NDST4: variants seen among roughly 807,000 people sequenced by gnomAD.
NDST4 encodes the protein N-deacetylase and N-sulfotransferase 4, also known as N-heparan sulfate sulfotransferase 4.
In NDST4, 63 loss-of-function variants were observed where a neutral mutation model predicts 100.8. That is an observed-to-expected ratio of 0.62 (90% CI 0.51 to 0.77). The LOEUF (loss-of-function observed/expected upper bound fraction) is 0.77. NDST4 is among the 30% of genes least tolerant of loss of function. NDST4 has a pLI of 0.00. For missense variants in NDST4, 943 were observed against 1,018.4 expected, an observed-to-expected ratio of 0.93 and a Z score of 1.01; for synonymous variants, 377 against 361.8, an observed-to-expected ratio of 1.04 and a Z score of -0.48.
intron 1 of NDST4, among the ~76,000 whole-genome samples, chr4:115,112,989 G>T (rs1729984388): frequency 6.6e-6 from 1 of 151,784 alleles, no homozygotes; most frequent in Non-Finnish European, 1.5e-5. Context: ...TAAATCTCAG[G>T]TCCAAAAAAC....
intron 6 of NDST4, among the ~76,000 whole-genome samples, chr4:114,890,647 C>T (rs192739669): frequency 6.6e-6 from 1 of 152,152 alleles, no homozygotes; most frequent in East Asian, 1.9e-4. Flanking sequence ...TATGCCCAAA[C>T]TCTAACTTTA....
At chr4:115,094,908 C>T (rs1164637988) in intron 1 of NDST4, among the ~76,000 whole-genome samples, 1 of 152,110 alleles carries the variant, frequency 6.6e-6, no homozygotes, top group Non-Finnish European at 1.5e-5. Context: ...AACTGTGAGA[C>T]AATACATTCC....
At chr4:114,831,087 C>CCAG (rs769586366) in intron 12 of NDST4, among the ~76,000 whole-genome samples, 10 of 151,826 alleles carry the variant, frequency 6.6e-5, no homozygotes, top group Non-Finnish European at 1.2e-4. Flanking sequence ...GCTCTGTCGC[C>CCAG]CAGGCCGGAC....
At chr4:115,035,567 T>C (rs547049204) in intron 2 of NDST4, among the ~76,000 whole-genome samples, 43 of 152,028 alleles carry the variant, frequency 2.8e-4, no homozygotes, top group Non-Finnish European at 4.6e-4. Flanking sequence ...TGTGGAAACA[T>C]AATTTGTAAT....
chr4:115,045,068 T>C (rs1269152247), intron 2 of NDST4, among the ~76,000 whole-genome samples: 1 of 152,040 alleles, frequency 6.6e-6, no homozygotes, highest in Non-Finnish European at 1.5e-5. Flanking sequence ...AACATGTGAA[T>C]ACAACTTGGG....
chr4:114,951,149 G>T (rs1021787589), intron 4 of NDST4, among the ~76,000 whole-genome samples: 2 of 151,978 alleles, frequency 1.3e-5, no homozygotes, highest in Non-Finnish European at 2.9e-5. Flanking sequence ...GTAAATTTTT[G>T]GACATAATTG....
chr4:114,898,035 C>T (rs927406525), intron 6 of NDST4, among the ~76,000 whole-genome samples: 1 of 152,066 alleles, frequency 6.6e-6, no homozygotes, highest in Non-Finnish European at 1.5e-5. Context: ...TGCTGTATTT[C>T]GCATAGTAGT....
intron 1 of NDST4, among the ~76,000 whole-genome samples, chr4:115,100,809 T>C (rs991223931): frequency 1.7e-3 from 19 of 10,890 alleles, no homozygotes; most frequent in African/African-American, 9.7e-3. Flanking sequence ...TCACTCCTTT[T>C]TTTTTTTTTT....
At chr4:115,022,358 G>A (rs141474149) in intron 2 of NDST4, among the ~76,000 whole-genome samples, 3,709 of 53,038 alleles carry the variant, frequency 0.07, 376 homozygotes, top group African/African-American at 0.16. Flanking sequence ...TGTGTTCCAC[G>A]TACATATGTG....
At chr4:114,852,087 A>T (rs1723690276) in intron 8 of NDST4, among the ~76,000 whole-genome samples, 1 of 152,166 alleles carries the variant, frequency 6.6e-6, no homozygotes, top group African/African-American at 2.4e-5. Context: ...AAAATATTCT[A>T]ATTGAAAGTG....
At chr4:114,918,560 TAA>T (rs10593709) in intron 6 of NDST4, among the ~76,000 whole-genome samples, 3,122 of 149,896 alleles carry the variant, frequency 0.021, 92 homozygotes, top group African/African-American at 0.067. Context: ...TAAAAATAAA[TAA>T]AAAAAAAATA....
At chr4:114,844,622 G>T (rs927708271) in intron 10 of NDST4, among the ~76,000 whole-genome samples, 1 of 152,038 alleles carries the variant, frequency 6.6e-6, no homozygotes, top group African/African-American at 2.4e-5. Context: ...CTTCCTCACA[G>T]TACATTCACA....
intron 2 of NDST4, among the ~76,000 whole-genome samples, chr4:115,058,851 C>T: frequency 6.6e-6 from 1 of 152,076 alleles, no homozygotes. Context: ...GTAAGAAAAG[C>T]TTAGCATTAA....
intron 2 of NDST4, among the ~76,000 whole-genome samples, chr4:114,985,692 CAAAT>C (rs1355902602): frequency 6.6e-6 from 1 of 152,132 alleles, no homozygotes; most frequent in East Asian, 1.9e-4. Flanking sequence ...ACAAATCAAT[CAAAT>C]AATTTTTTAA....
In NDST4 at chr4:115,089,638, C is replaced by A. The variant is rs941104072; in HGVS notation, c.-246-12356G>T. Among the ~76,000 whole-genome samples the A allele has an allele frequency of 3.3e-5, 5 of 152,042 alleles. No homozygotes were observed. In the East Asian group the frequency reaches 9.7e-4, roughly 29 times the overall value. Reference sequence around the variant, plus strand: ...AATCTATATAAAAAGCTTCTCTTTTCACAATAAGCTACTTAGTTTATTTTC... The same window carrying A: ...AATCTATATAAAAAGCTTCTCTTTTAACAATAAGCTACTTAGTTTATTTTC... On this transcript the variant is annotated intron_variant, in intron 1 of 13. Transcript: ENST00000264363.
At chr4:114,867,646 T>TTAA (rs1553949943) in intron 7 of NDST4, among the ~76,000 whole-genome samples, 4 of 26,790 alleles carry the variant, frequency 1.5e-4, no homozygotes, top group African/African-American at 2.5e-4. Context: ...ATGAGAATTA[T>TTAA]AAAAAAAAAA....
chr4:114,985,437 A>G (rs1238654340), intron 2 of NDST4, among the ~76,000 whole-genome samples: 1 of 152,180 alleles, frequency 6.6e-6, no homozygotes, highest in Non-Finnish European at 1.5e-5. Flanking sequence ...AATGGCAAAA[A>G]TAATATCTAA....
intron 2 of NDST4, among the ~76,000 whole-genome samples, chr4:115,028,237 G>A (rs573537960): frequency 2.3e-4 from 35 of 152,112 alleles, no homozygotes; most frequent in Admixed American, 1.8e-3. Context: ...ACAACTCTTA[G>A]GATTCTTACC....
At chr4:115,017,494 T>C (rs1038657542) in intron 2 of NDST4, among the ~76,000 whole-genome samples, 2 of 152,066 alleles carry the variant, frequency 1.3e-5, no homozygotes, top group Non-Finnish European at 2.9e-5. Context: ...CCATTCCTTG[T>C]TTCTCTAAAC....
Sources: allele counts gnomAD v4.1 joint callset (sites outside exome capture counted in the v4.1 genomes callset), GRCh38; gene constraint gnomAD v4.1.1; transcripts MANE v1.5; gene names NCBI Gene and HGNC (gene_info 2026-07-23, HGNC 2026-07-21).